Variants in ZNF599 observed in about 807,000 individuals in gnomAD.
ZNF599 encodes the protein zinc finger protein 599.
A neutral mutation model predicts 11.7 loss-of-function variants in ZNF599; 10 were observed. The ratio of observed to expected loss-of-function variants is 0.86; its 90% confidence interval spans 0.53 to 1.45. ZNF599 has a LOEUF of 1.45. Ranked by LOEUF, ZNF599 falls within the 40% of genes most tolerant of loss-of-function variation. ZNF599 has a pLI of 0.00. For synonymous variants in ZNF599, 232 were observed against 253.2 expected, an observed-to-expected ratio of 0.92 and a Z score of 0.79; for missense variants, 688 against 713.6, an observed-to-expected ratio of 0.96 and a Z score of 0.41.
Position 34,759,414 on chromosome 19 carries a change from G to A in ZNF599, c.1387C>T (p.His463Tyr), listed in dbSNP as rs1353287294. Reference sequence around the variant, plus strand: ...CTATTATGTCGAATAAAAACAGAGTGGTGTGTAAAAGCCTTTCCACATTCA... The same window carrying A: ...CTATTATGTCGAATAAAAACAGAGTAGTGTGTAAAAGCCTTTCCACATTCA... Reference protein sequence around the residue: ...CSECGKAFTHHSVFIRHNRTH... With the variant: ...CSECGKAFTHYSVFIRHNRTH... Residue 463 changes from histidine to tyrosine, a missense_variant, in exon 4 of 4, where the codon CAC becomes TAC. Coordinates refer to ENST00000329285, the MANE Select transcript of ZNF599 (RefSeq NM_001007248.3). 1 of 1,614,002 alleles carries A rather than the reference G, an allele frequency of 6.2e-7. No homozygotes were observed. The highest frequency in any genetic ancestry group is 8.5e-7 in the Non-Finnish European group (1 of 1,179,952).
the ZNF599 span, among the ~76,000 whole-genome samples, chr19:34,787,699 A>G: frequency 1.8e-4 from 28 of 152,234 alleles, no homozygotes; most frequent in Non-Finnish European, 1.8e-4. Context: ...GCACAGCCTG[A>G]TGTTTACTGA....
the ZNF599 span, among the ~76,000 whole-genome samples, chr19:34,785,744 G>T: frequency 6.6e-6 from 1 of 152,180 alleles, no homozygotes; most frequent in Non-Finnish European, 1.5e-5. Flanking sequence ...ACTGGGGCAG[G>T]TCTGATGGGC....
At chr19:34,775,198 G>A (rs1600161882), upstream of ZNF599, among the ~76,000 whole-genome samples, 2 of 152,074 alleles carry the variant, frequency 1.3e-5, no homozygotes, top group Non-Finnish European at 2.9e-5. Flanking sequence ...GTATTCCTTC[G>A]TAAATTACCC....
the ZNF599 span, among the ~76,000 whole-genome samples, chr19:34,800,110 C>A: frequency 6.6e-6 from 1 of 152,116 alleles, no homozygotes; most frequent in Admixed American, 6.5e-5. Flanking sequence ...GTCTTTTGAC[C>A]ATTTTTCAGT....
In ZNF599 at chr19:34,772,872, G is replaced by A. The variant is rs1057446994; in HGVS notation, c.-31C>T. On this transcript the variant is annotated 5_prime_UTR_variant, in exon 1 of 4. Transcript: ENST00000329285. ...CAGGGGGCTGGGTGAGGCCGTGAGA[G>A]TCGGCGAGGAAGCCGGTCCTGCGGG... 7 of 1,440,342 alleles carry A rather than the reference G, an allele frequency of 4.9e-6. No homozygotes were observed. Among genetic ancestry groups the A allele is most frequent in the Non-Finnish European group, 5.4e-6 (6 of 1,101,682 alleles). 89.2% of individuals were successfully genotyped at this position (1,440,342 alleles called of 1,614,324 possible). A position where few individuals can be genotyped will look rare whatever the true frequency, so the allele number is the denominator to read the frequency against.
upstream of ZNF599, among the ~76,000 whole-genome samples, chr19:34,775,977 T>C (rs1183251119): frequency 1.3e-5 from 2 of 152,322 alleles, no homozygotes; most frequent in East Asian, 3.9e-4. Context: ...ATTGAGTTAA[T>C]ATGTTATACA....
chr19:34,774,383 C>A (rs1041790297), upstream of ZNF599, among the ~76,000 whole-genome samples: 2 of 152,194 alleles, frequency 1.3e-5, no homozygotes, highest in African/African-American at 2.4e-5. Flanking sequence ...GATCTTGTCT[C>A]ATCAAGACAC....
rs752768558 is a variant in ZNF599 at position 34,769,522 on chromosome 19, A to C, written c.52T>G (p.Phe18Val). ...LVSFEDVVVT[F>V]TGEEWGHLDL... ...AGGTGCCCCCATTCCTCTCCAGTGA[A>C]GGTCACAACCACGTCTTCAAATGAT... is the stretch of plus-strand genomic sequence containing the variant. The change falls in exon 2 of 4, where the codon TTC (phenylalanine) becomes GTC (valine). Residue 18 changes from phenylalanine to valine, a missense_variant. Physicochemically the swap from Phe to Val is conservative, Grantham distance 50 (BLOSUM62 -1). Coordinates refer to ENST00000329285, the MANE Select transcript of ZNF599 (RefSeq NM_001007248.3). The C allele has an allele frequency of 6.2e-7, 1 of 1,614,158 alleles. No individual in the cohort carries two copies. Among genetic ancestry groups the C allele is most frequent in the Non-Finnish European group, 8.5e-7 (1 of 1,179,992 alleles).
At chr19:34,779,440 C>A in the ZNF599 span, 2 of 456,018 alleles carry the variant, frequency 4.4e-6, no homozygotes, top group Non-Finnish European at 8.8e-6. Flanking sequence ...TGAAAACTTT[C>A]ATCAGAGTGA....
chr19:34,767,249 G>A lies in ZNF599; in HGVS notation c.241+67C>T, dbSNP rs2069149978. ...CAAAATAGCTGCCCATGGCATTTCAGACACAGTGATGCCTGGGTGGTCTGC... is the reference window on the plus strand; with the variant it reads ...CAAAATAGCTGCCCATGGCATTTCAAACACAGTGATGCCTGGGTGGTCTGC... On this transcript the variant is annotated intron_variant, in intron 3 of 3. Coordinates refer to ENST00000329285, the MANE Select transcript of ZNF599 (RefSeq NM_001007248.3). 3.1e-6 allele frequency: 4 copies of A among 1,291,598 alleles called. No homozygotes were observed. The South Asian group carries it at 3.6e-5, about 12-fold the overall frequency. The allele number at this position is 1,291,598 out of a possible 1,614,324, so 80.0% of individuals were successfully genotyped here. A position where few individuals can be genotyped will look rare whatever the true frequency, so the allele number is the denominator to read the frequency against.
chr19:34,806,479 C>A, the ZNF599 span, among the ~76,000 whole-genome samples: 2 of 152,106 alleles, frequency 1.3e-5, no homozygotes, highest in Non-Finnish European at 2.9e-5. Flanking sequence ...GAAACCGTGC[C>A]CCAGGGGTAG....
chr19:34,789,124 C>G, the ZNF599 span, among the ~76,000 whole-genome samples: 5 of 152,178 alleles, frequency 3.3e-5, no homozygotes, highest in Non-Finnish European at 5.9e-5. Flanking sequence ...CTACCCTTTA[C>G]TCCTATGACT....
chr19:34,760,365 A>G lies in ZNF599; in HGVS notation c.436T>C (p.Cys146Arg). The G allele has an allele frequency of 6.2e-7, 1 of 1,614,110 alleles. No homozygotes were observed. Among genetic ancestry groups the G allele is most frequent in the South Asian group, 1.1e-5 (1 of 91,066 alleles). The change falls in exon 4 of 4, where the codon TGC becomes CGC. Residue 146 changes from cysteine (C) to arginine (R), a missense_variant. Cys to Arg is a radical substitution (Grantham distance 180). Transcript: ENST00000329285. ...RPGTNPHKEICPEKLSYKHDD... is the reference protein window; with the variant it reads ...RPGTNPHKEIRPEKLSYKHDD... ...TGTTTATAACTCAACTTCTCAGGGC[A>G]TATCTCTTTGTGGGGGTTTGTTCCT...
chr19:34,767,372 TC>T lies in ZNF599; in HGVS notation c.184del (p.Glu62AsnfsTer9), dbSNP rs772996672. The part of the protein sequence containing the change: ...VPKPELIYLL[E>X]HGQELWTVKR... The stretch of plus-strand genomic sequence containing the variant: ...CACTGTCCACAGTTCCTGTCCATGT[TC>T]CAGTAGATAGATCAGCTCTGGTTTG... On this transcript the variant is annotated frameshift_variant, in exon 3 of 4. Coordinates refer to ENST00000329285, the MANE Select transcript of ZNF599 (RefSeq NM_001007248.3). LOFTEE classifies it high-confidence loss of function. The T allele has an allele frequency of 8.1e-6, 13 of 1,614,140 alleles. No homozygotes were observed. In the East Asian group the frequency reaches 2.5e-4, roughly 30 times the overall value.
chr19:34,767,459 A>T, intron 2 of ZNF599, 48 bp from the exon 3 acceptor site: 1 of 1,500,196 alleles, frequency 6.7e-7, no homozygotes, highest in Non-Finnish European at 9.3e-7. Flanking sequence ...GAAAGACAAA[A>T]AGAAAAGTCT....
rs778020218 is a variant in ZNF599 at position 34,760,368 on chromosome 19, T to A, written c.433A>T (p.Ile145Leu). The change falls in exon 4 of 4, where the codon ATA becomes TTA. Residue 145 changes from isoleucine (I) to leucine (L), a missense_variant. Ile to Leu is a conservative substitution (Grantham distance 5). Coordinates refer to ENST00000329285, the MANE Select transcript of ZNF599 (RefSeq NM_001007248.3). ...TTATAACTCAACTTCTCAGGGCATA[T>A]CTCTTTGTGGGGGTTTGTTCCTGGC... Reference protein sequence around the residue: ...LRPGTNPHKEICPEKLSYKHD... With the variant: ...LRPGTNPHKELCPEKLSYKHD... 1.2e-6 allele frequency: 2 copies of A among 1,613,980 alleles called. No homozygotes were observed. The highest frequency in any genetic ancestry group is 1.7e-5 in the Admixed American group (1 of 59,994).
chr19:34,803,900 T>C, the ZNF599 span, among the ~76,000 whole-genome samples: 1 of 152,198 alleles, frequency 6.6e-6, no homozygotes, highest in Non-Finnish European at 1.5e-5. Flanking sequence ...TATCTCCAGA[T>C]GTCATAGATA....
chr19:34,759,922 G>T lies in ZNF599; in HGVS notation c.879C>A (p.Thr293=). ...TATGCTGGATAAAAGAAGAGCGGTG[G>T]GTGAATGCTTTGCCACATTCTTTGC... ...YECKECGKAF[T]HRSSFIQHNM... is the part of the protein sequence containing the mutation. The change falls in exon 4 of 4, where the codon ACC becomes ACA. Residue 293 remains threonine (T), a synonymous_variant. Coordinates refer to ENST00000329285, the MANE Select transcript of ZNF599 (RefSeq NM_001007248.3). The T allele has an allele frequency of 6.2e-7, 1 of 1,613,840 alleles. No homozygotes were observed. The highest frequency in any genetic ancestry group is 8.5e-7 in the Non-Finnish European group (1 of 1,179,928).
At chr19:34,779,496 A>T in the ZNF599 span, 1 of 456,288 alleles carries the variant, frequency 2.2e-6, no homozygotes, top group African/African-American at 2.0e-5. Context: ...AATTTCTCAC[A>T]TTTGCTGTAC....
Sources: allele counts gnomAD v4.1 joint callset (sites outside exome capture counted in the v4.1 genomes callset), GRCh38; gene constraint gnomAD v4.1.1; transcripts MANE v1.5; gene names NCBI Gene and HGNC (gene_info 2026-07-23, HGNC 2026-07-21).